ALMS1: variants seen among roughly 807,000 people sequenced by gnomAD.
ALMS1 encodes centrosome-associated protein ALMS1.
ALMS1 carries 271 observed loss-of-function variants against 352.2 expected under a neutral mutation model. The ratio of observed to expected loss-of-function variants is 0.77; its 90% CI spans 0.70 to 0.85. The LOEUF (loss-of-function observed/expected upper bound fraction) is 0.85. ALMS1 is among the 40% of genes least tolerant of loss of function. The pLI is 0.00. For missense variants in ALMS1, 5,445 were observed against 4,870.7 expected (o/e 1.12, Z -3.51); for synonymous variants, 1,865 against 1,761.2 (o/e 1.06, Z -1.48).
At chr2:73,589,548 G>A (rs186612142) in intron 16 of ALMS1, among the ~76,000 whole-genome samples, 1 of 152,206 alleles carries the variant, frequency 6.6e-6, no homozygotes, top group Admixed American at 6.5e-5. Context: ...GGTTACATGA[G>A]TTCTTACAAA....
At chr2:73,426,008 A>G (rs1331502728) in intron 5 of ALMS1, among the ~76,000 whole-genome samples, 4 of 152,182 alleles carry the variant, frequency 2.6e-5, no homozygotes, top group African/African-American at 9.7e-5. Context: ...TTTCAGTGTG[A>G]TATAGGCAAT....
intron 11 of ALMS1, among the ~76,000 whole-genome samples, chr2:73,529,039 GTT>G (rs34604396): frequency 0.029 from 2,833 of 99,122 alleles, 34 homozygotes; most frequent in African/African-American, 0.11. Flanking sequence ...CCTCAAAGCA[GTT>G]TTTTTTTTTT....
chr2:73,400,029 C>T (rs1362848179), intron 1 of ALMS1, among the ~76,000 whole-genome samples: 1 of 151,572 alleles, frequency 6.6e-6, no homozygotes, highest in Non-Finnish European at 1.5e-5. Flanking sequence ...CCTCTGCCTC[C>T]AAGGCTCAAG....
intron 7 of ALMS1, 58 bp downstream of exon 7, chr2:73,432,349 T>C (rs938822642): frequency 7.5e-6 from 9 of 1,195,152 alleles, no homozygotes; most frequent in South Asian, 2.5e-5. Flanking sequence ...TGAAAAAATA[T>C]CTTGTTAGGT....
chr2:73,406,822 C>T (rs1159459745), intron 1 of ALMS1, among the ~76,000 whole-genome samples: 3 of 152,252 alleles, frequency 2.0e-5, no homozygotes, highest in African/African-American at 4.8e-5. Flanking sequence ...GATGGGGTTT[C>T]GCCATTGTTG....
chr2:73,392,403 A>T (rs1670669315), intron 1 of ALMS1, among the ~76,000 whole-genome samples: 1 of 152,016 alleles, frequency 6.6e-6, no homozygotes, highest in African/African-American at 2.4e-5. Flanking sequence ...TAAAGTGCAC[A>T]ATTCAGTCAT....
At chr2:73,406,103 G>A (rs2103669387) in intron 1 of ALMS1, among the ~76,000 whole-genome samples, 1 of 152,264 alleles carries the variant, frequency 6.6e-6, no homozygotes, top group African/African-American at 2.4e-5. Flanking sequence ...ATCATGGAAA[G>A]TTGGTTATTG....
chr2:73,508,270 T>G (rs1221661987), intron 10 of ALMS1, among the ~76,000 whole-genome samples: 1 of 147,506 alleles, frequency 6.8e-6, no homozygotes, highest in Non-Finnish European at 1.5e-5. Flanking sequence ...TGGCGCGATC[T>G]CGGCTTACTG....
intron 9 of ALMS1, among the ~76,000 whole-genome samples, chr2:73,481,646 G>A (rs1340093219): frequency 1.3e-5 from 2 of 150,344 alleles, no homozygotes; most frequent in Non-Finnish European, 2.9e-5. Flanking sequence ...GGATGGCATT[G>A]AATCTGTAAG....
At chr2:73,412,506 A>C (rs188360786) in intron 2 of ALMS1, among the ~76,000 whole-genome samples, 48 of 152,256 alleles carry the variant, frequency 3.2e-4, no homozygotes, top group Non-Finnish European at 5.6e-4. Context: ...ATACCTAGGA[A>C]TGGCTGGACG....
intron 12 of ALMS1, among the ~76,000 whole-genome samples, chr2:73,547,052 G>A (rs1006296495): frequency 6.6e-5 from 10 of 152,128 alleles, no homozygotes; most frequent in African/African-American, 9.7e-5. Flanking sequence ...AGTAGAAACC[G>A]TACTTCAGTA....
chr2:73,419,252 A>G lies in ALMS1; in HGVS notation c.580A>G (p.Ile194Val). Residue 194 changes from isoleucine (I) to valine (V), a missense_variant, in exon 3 of 23, where the codon ATA becomes GTA. Coordinates refer to ENST00000613296, the MANE Select transcript of ALMS1 (RefSeq NM_001378454.1). ...AGACTTCCCCTCTCTGGAGGAGGGC[A>G]TATTGACGCAATCAGAAAATCAAGT... Reference protein sequence around the residue: ...VTDFPSLEEGILTQSENQVKE... With the variant: ...VTDFPSLEEGVLTQSENQVKE... The G allele has an allele frequency of 6.2e-7, 1 of 1,614,102 alleles. No homozygotes were observed. The highest frequency in any genetic ancestry group is 1.1e-5 in the South Asian group (1 of 91,084).
intron 1 of ALMS1, among the ~76,000 whole-genome samples, chr2:73,405,955 G>C (rs555322616): frequency 6.6e-6 from 1 of 152,238 alleles, no homozygotes; most frequent in East Asian, 1.9e-4. Context: ...GGTGTATCCT[G>C]GGGAATGTTT....
intron 9 of ALMS1, among the ~76,000 whole-genome samples, chr2:73,455,917 A>G (rs1338670015): frequency 6.6e-6 from 1 of 152,136 alleles, no homozygotes; most frequent in Non-Finnish European, 1.5e-5. Flanking sequence ...AAATCCAGCT[A>G]TTTTCAAATG....
At chr2:73,523,660 G>A (rs567313091) in intron 11 of ALMS1, among the ~76,000 whole-genome samples, 19 of 152,218 alleles carry the variant, frequency 1.2e-4, no homozygotes, top group Non-Finnish European at 2.1e-4. Context: ...CCAGCTACTC[G>A]GGAGGCTGAG....
intron 9 of ALMS1, among the ~76,000 whole-genome samples, chr2:73,468,110 C>G (rs917066021): frequency 1.3e-5 from 2 of 151,950 alleles, no homozygotes; most frequent in East Asian, 1.9e-4. Flanking sequence ...AAACATTGAA[C>G]AAGAGATACA....
At chr2:73,514,894 T>G (rs1673525062) in intron 10 of ALMS1, among the ~76,000 whole-genome samples, 1 of 152,192 alleles carries the variant, frequency 6.6e-6, no homozygotes, top group Admixed American at 6.5e-5. Flanking sequence ...ACCTTTGATT[T>G]TCAGCAGTTT....
chr2:73,570,406 A>G (rs750179046), intron 15 of ALMS1, among the ~76,000 whole-genome samples: 2 of 152,224 alleles, frequency 1.3e-5, no homozygotes, highest in Non-Finnish European at 2.9e-5. Flanking sequence ...GAAATTGGCC[A>G]TACATTGAGG....
intron 7 of ALMS1, among the ~76,000 whole-genome samples, chr2:73,436,815 C>T (rs1005038820): frequency 1.3e-5 from 2 of 152,158 alleles, no homozygotes; most frequent in African/African-American, 4.8e-5. Context: ...TCCTTTTCTT[C>T]CCTTTGAATA....
Sources: allele counts gnomAD v4.1 joint callset (sites outside exome capture counted in the v4.1 genomes callset), GRCh38; gene constraint gnomAD v4.1.1; transcripts MANE v1.5; gene names NCBI Gene and HGNC (gene_info 2026-07-23, HGNC 2026-07-21).